AHRR: variants seen among roughly 807,000 people sequenced by gnomAD.
The protein encoded by AHRR is ahR repressor.
A neutral mutation model predicts 44.0 loss-of-function variants in AHRR; 28 were observed. The observed-to-expected ratio is 0.64, with a 90% CI of 0.47 to 0.87. The LOEUF (loss-of-function observed/expected upper bound fraction) is 0.87, where lower values mean the gene tolerates loss of function less well. Among genes scored for constraint, AHRR ranks in the 40% least tolerant of loss-of-function variants. The pLI is 0.00. For missense variants in AHRR, 990 were observed against 953.9 expected (o/e 1.04, Z -0.50); for synonymous variants, 434 against 407.0 (o/e 1.07, Z -0.80).
At chr5:381,704 C>T (rs554749831) in intron 4 of AHRR, among the ~76,000 whole-genome samples, 6 of 151,812 alleles carry the variant, frequency 4.0e-5, no homozygotes, top group South Asian at 4.2e-4. Context: ...TTAGTAGAGA[C>T]GGGGTTTCAC....
At position 432,788 on chromosome 5, in the gene AHRR, C is replaced by A. The variant is rs553699720; in HGVS notation, c.971-18C>A. 29 of 1,613,818 alleles carry A rather than the reference C, an allele frequency of 1.8e-5. No individual in the cohort carries two copies. Among genetic ancestry groups the A allele is most frequent in the East Asian group, 1.3e-4 (6 of 44,890 alleles). On this transcript the variant is annotated intron_variant, in intron 9 of 10. Coordinates refer to ENST00000684583, the MANE Select transcript of AHRR (RefSeq NM_001377236.1). ...AGCTCGCACCGTGACGGCTTCCCCC[C>A]CCTCTAAACCCCAACAGGAAGGAGC...
At chr5:400,621 C>T (rs970032644) in intron 4 of AHRR, among the ~76,000 whole-genome samples, 1 of 151,952 alleles carries the variant, frequency 6.6e-6, no homozygotes, top group Non-Finnish European at 1.5e-5. Context: ...AACAGACGTT[C>T]GAGATGCATA....
chr5:370,237 C>T lies in AHRR; in HGVS notation c.245-6373C>T, dbSNP rs1229820718. 1.3e-5 allele frequency among the ~76,000 whole-genome samples: 2 copies of T among 150,080 alleles called. No individual in the cohort carries two copies. Among genetic ancestry groups the T allele is most frequent in the African/African-American group, 4.9e-5 (2 of 40,622 alleles). On this transcript the variant is annotated intron_variant, in intron 3 of 10. Transcript: ENST00000684583. The surrounding 1 kb of genome is among the most constrained non-coding windows in gnomAD (Gnocchi z 4.5). ...GCCCTCGCTGGAAGCCCCGTCCTCC[C>T]GGGCCCTCGCTGGTGCCCCGACCTC...
intron 1 of AHRR, among the ~76,000 whole-genome samples, chr5:340,803 TCTC>T (rs1419219617): frequency 1.4e-5 from 2 of 143,310 alleles, no homozygotes; most frequent in Middle Eastern, 3.4e-3. Flanking sequence ...TTCAAGCAAT[TCTC>T]CTACCTCAGC....
chr5:412,715 C>CTTTTT (rs11285209), intron 4 of AHRR, among the ~76,000 whole-genome samples: 5 of 96,952 alleles, frequency 5.2e-5, no homozygotes, highest in African/African-American at 1.1e-4. Context: ...CTCTCTCTCT[C>CTTTTT]TTTTTTTTTT....
intron 4 of AHRR, among the ~76,000 whole-genome samples, chr5:412,391 G>C (rs1735501770): frequency 1.3e-5 from 2 of 152,168 alleles, no homozygotes; most frequent in Non-Finnish European, 2.9e-5. Flanking sequence ...GGCGGACCAG[G>C]CCTTCCAGAA....
intron 1 of AHRR, among the ~76,000 whole-genome samples, chr5:341,492 C>G (rs1369777870): frequency 7.5e-6 from 1 of 132,548 alleles, no homozygotes; most frequent in East Asian, 2.2e-4. Context: ...TCCTTCCCCT[C>G]CCCTCCCCTC....
At chr5:373,613 C>A (rs190349284) in intron 3 of AHRR, among the ~76,000 whole-genome samples, 1 of 152,092 alleles carries the variant, frequency 6.6e-6, no homozygotes, top group African/African-American at 2.4e-5. Context: ...GGTCTCTCTC[C>A]ACATCACAGA....
chr5:390,863 C>G (rs968285261), intron 4 of AHRR, among the ~76,000 whole-genome samples: 1 of 152,128 alleles, frequency 6.6e-6, no homozygotes, highest in African/African-American at 2.4e-5. Context: ...CAAACGCCTT[C>G]CAACCTGGAG....
At chr5:389,918 A>G (rs920360779) in intron 4 of AHRR, among the ~76,000 whole-genome samples, 2 of 57,578 alleles carry the variant, frequency 3.5e-5, no homozygotes, top group Admixed American at 2.6e-4. Context: ...AGGGGAAGGG[A>G]GGGAGGGGGA....
intron 6 of AHRR, among the ~76,000 whole-genome samples, chr5:423,557 C>T (rs1736231498): frequency 6.6e-6 from 1 of 152,136 alleles, no homozygotes; most frequent in African/African-American, 2.4e-5. Flanking sequence ...CAGCAAAGCC[C>T]AGGCACCTAC....
At chr5:386,770 G>C (rs1254516089) in intron 4 of AHRR, among the ~76,000 whole-genome samples, 3 of 152,038 alleles carry the variant, frequency 2.0e-5, no homozygotes, top group Admixed American at 2.0e-4. Context: ...CGTCATCCCG[G>C]ACACTTTTCA....
In AHRR at chr5:433,053, A is replaced by G; in HGVS notation, c.1112+106A>G. The G allele has an allele frequency of 2.2e-6, 3 of 1,346,844 alleles. No homozygotes were observed. The Middle Eastern group carries it at 8.1e-4, about 362-fold the overall frequency. 83.4% of individuals were successfully genotyped at this position (1,346,844 alleles called of 1,614,324 possible). ...ATTAAGAAGAAAAATAAAAAAGACG[A>G]CAGCAGCCTTGGCCACCACACGAGC... On this transcript the variant is annotated intron_variant, in intron 10 of 10. Coordinates refer to ENST00000684583, the MANE Select transcript of AHRR (RefSeq NM_001377236.1).
chr5:341,367 T>G (rs761865137), intron 1 of AHRR, among the ~76,000 whole-genome samples: 5 of 152,196 alleles, frequency 3.3e-5, no homozygotes, highest in Non-Finnish European at 7.4e-5. Flanking sequence ...TGATGTCCTC[T>G]CTTTCATTCC....
chr5:371,280 A>T (rs950971801), intron 3 of AHRR, among the ~76,000 whole-genome samples: 5 of 152,144 alleles, frequency 3.3e-5, no homozygotes, highest in African/African-American at 1.2e-4. Flanking sequence ...ACCTCCCAAC[A>T]CAGCAGGCAC....
chr5:384,233 T>C (rs1033390845), intron 4 of AHRR, among the ~76,000 whole-genome samples: 3 of 152,236 alleles, frequency 2.0e-5, no homozygotes, highest in Non-Finnish European at 4.4e-5. Context: ...AGCTTATCTA[T>C]TCGCTTTTGG....
Position 397,135 on chromosome 5 carries a change from ACCAT to A in AHRR, c.352-16204_352-16201del, listed in dbSNP as rs1357207168. 2.3e-4 allele frequency among the ~76,000 whole-genome samples: 28 copies of A among 120,946 alleles called. 2 individuals carry two copies. Among genetic ancestry groups the A allele is most frequent in the Non-Finnish European group, 5.3e-5 (3 of 56,796 alleles). The allele number at this position is 120,946 out of a possible 152,430, so 79.3% of individuals were successfully genotyped here. A position where few individuals can be genotyped will look rare whatever the true frequency, so the allele number is the denominator to read the frequency against. ...CCCTGACCATCCATGTTAGCCCCTGACCATCCATGTTAGCCCCTGACCATCCACG... is the reference window on the plus strand; with the variant it reads ...CCCTGACCATCCATGTTAGCCCCTGACCATGTTAGCCCCTGACCATCCACG... On this transcript the variant is annotated intron_variant, in intron 4 of 10. Coordinates refer to ENST00000684583, the MANE Select transcript of AHRR (RefSeq NM_001377236.1).
intron 5 of AHRR, chr5:421,017 GA>G: frequency 2.1e-6 from 1 of 467,268 alleles, no homozygotes; most frequent in East Asian, 4.1e-5. Context: ...TCAGGAGGTG[GA>G]AAGTTGAAAC....
chr5:392,867 G>T (rs1734531962), intron 4 of AHRR, among the ~76,000 whole-genome samples: 1 of 151,938 alleles, frequency 6.6e-6, no homozygotes, highest in Admixed American at 6.6e-5. Context: ...TGCTTGGACT[G>T]TCTCCCCCAT....
Sources: allele counts gnomAD v4.1 joint callset (sites outside exome capture counted in the v4.1 genomes callset), GRCh38; gene constraint gnomAD v4.1.1; non-coding constraint Gnocchi (gnomAD v3.1); transcripts MANE v1.5; gene names NCBI Gene and HGNC (gene_info 2026-07-23, HGNC 2026-07-21).